Variants in NTRK3 observed in about 807,000 individuals in gnomAD.
NTRK3 encodes the protein NT-3 growth factor receptor.
A neutral mutation model predicts 91.7 loss-of-function variants in NTRK3; 24 were observed. The observed-to-expected ratio is 0.26, with a 90% CI of 0.19 to 0.37. The LOEUF (loss-of-function observed/expected upper bound fraction) is 0.37. Ranked by LOEUF, NTRK3 falls within the 10% of genes least tolerant of loss-of-function variation. NTRK3 has a pLI of 1.00. For synonymous variants in NTRK3, 483 were observed against 404.0 expected (o/e 1.20, Z -2.34); for missense variants, 880 against 1,068.9 (o/e 0.82, Z 2.46).
At chr15:87,874,540 C>T (rs1035569148) in exon 19 of NTRK3, 11 of 233,380 alleles carry the variant, frequency 4.7e-5, no homozygotes, top group African/African-American at 2.2e-4. Flanking sequence ...TCTTCTCCTG[C>T]TTCTTCCCAG....
chr15:88,222,967 G>T (rs1341937376), intron 3 of NTRK3, among the ~76,000 whole-genome samples: 1 of 152,192 alleles, frequency 6.6e-6, no homozygotes, highest in African/African-American at 2.4e-5. Flanking sequence ...CCTCACACTG[G>T]GCTGAGAGCC....
intron 15 of NTRK3, among the ~76,000 whole-genome samples, chr15:87,933,767 T>A (rs1006129377): frequency 6.6e-6 from 1 of 152,162 alleles, no homozygotes; most frequent in Non-Finnish European, 1.5e-5. Context: ...GTTCTCCCAA[T>A]AGGGGTTTGG....
At chr15:88,063,672 G>A (rs915478522) in intron 13 of NTRK3, among the ~76,000 whole-genome samples, 1 of 152,178 alleles carries the variant, frequency 6.6e-6, no homozygotes, top group Non-Finnish European at 1.5e-5. Context: ...CAGGCCTCTA[G>A]CAGGCACATA....
chr15:87,953,754 T>C (rs2071381690), intron 14 of NTRK3, among the ~76,000 whole-genome samples: 1 of 152,166 alleles, frequency 6.6e-6, no homozygotes, highest in South Asian at 2.1e-4. Flanking sequence ...CTCCCCTTTC[T>C]TATCAGCCTG....
At chr15:88,216,489 C>G (rs186041200) in intron 3 of NTRK3, among the ~76,000 whole-genome samples, 77 of 152,314 alleles carry the variant, frequency 5.1e-4, no homozygotes, top group Middle Eastern at 6.8e-3. Context: ...AGCCCAGCCA[C>G]GTGCTGGTCA....
At chr15:87,929,096 G>A (rs1371749492) in intron 17 of NTRK3, 95 bp downstream of exon 17, 33 of 1,588,868 alleles carry the variant, frequency 2.1e-5, no homozygotes, top group Non-Finnish European at 2.8e-5. Flanking sequence ...GTATATGTGT[G>A]TGCCAGAGTG....
At chr15:88,203,840 TA>T in intron 3 of NTRK3, among the ~76,000 whole-genome samples, 1 of 152,138 alleles carries the variant, frequency 6.6e-6, no homozygotes, top group East Asian at 1.9e-4. Context: ...TCAATAAAAA[TA>T]ATTTTTTTAA....
At chr15:88,031,540 C>T (rs1046015004) in intron 14 of NTRK3, among the ~76,000 whole-genome samples, 6 of 152,194 alleles carry the variant, frequency 3.9e-5, no homozygotes, top group African/African-American at 1.4e-4. Context: ...ATCTCTCTTC[C>T]TTGCCCAGCC....
intron 17 of NTRK3, among the ~76,000 whole-genome samples, chr15:87,921,652 A>T (rs1016758968): frequency 3.9e-5 from 6 of 152,140 alleles, no homozygotes; most frequent in Admixed American, 3.9e-4. Context: ...TAATGCAGAG[A>T]GCTCTCCAGT....
chr15:88,017,430 G>C (rs2077311884), intron 14 of NTRK3, among the ~76,000 whole-genome samples: 1 of 152,202 alleles, frequency 6.6e-6, no homozygotes, highest in Admixed American at 6.5e-5. Flanking sequence ...TCCCCAGAGT[G>C]GCAGCTCCAG....
At chr15:88,060,009 T>C (rs932419784) in intron 13 of NTRK3, among the ~76,000 whole-genome samples, 1 of 152,028 alleles carries the variant, frequency 6.6e-6, no homozygotes, top group Non-Finnish European at 1.5e-5. Flanking sequence ...AGAATAGATT[T>C]CTGTTGTTAA....
At chr15:87,867,596 A>C in exon 19 of NTRK3, 1 of 229,208 alleles carries the variant, frequency 4.4e-6, no homozygotes, top group East Asian at 6.2e-5. Context: ...ACTAGTTGTC[A>C]GATGCCCACA....
chr15:88,212,302 G>A lies in NTRK3; in HGVS notation c.249-28003C>T, dbSNP rs1213031195. ...GGAGAATGGAGTGAACCTGGGAGGC[G>A]GAGCTTGCAGTGAGCCGAGATCGCG... On this transcript the variant is annotated intron_variant, in intron 3 of 18. Transcript: ENST00000394480. 2.6e-5 allele frequency among the ~76,000 whole-genome samples: 4 copies of A among 152,146 alleles called. No homozygotes were observed. In the East Asian group the frequency reaches 5.8e-4, roughly 22 times the overall value.
chr15:88,135,309 C>A (rs145632344), exon 10 of NTRK3: 2 of 1,614,188 alleles, frequency 1.2e-6, no homozygotes, highest in South Asian at 2.2e-5. Flanking sequence ...GCCAGTGCAG[C>A]GTTGGTGGGG....
chr15:88,041,177 C>T (rs1257162774), intron 13 of NTRK3, among the ~76,000 whole-genome samples: 2 of 152,184 alleles, frequency 1.3e-5, no homozygotes, highest in Non-Finnish European at 2.9e-5. Context: ...GATGGACTGC[C>T]AAATATTTTC....
chr15:88,180,858 C>A (rs2046395888), intron 5 of NTRK3, among the ~76,000 whole-genome samples: 1 of 152,128 alleles, frequency 6.6e-6, no homozygotes, highest in Non-Finnish European at 1.5e-5. Flanking sequence ...GAGAAAATGT[C>A]CCAAAGCTGC....
At chr15:88,236,743 C>T (rs2141828777) in intron 3 of NTRK3, among the ~76,000 whole-genome samples, 1 of 143,760 alleles carries the variant, frequency 7.0e-6, no homozygotes, top group African/African-American at 2.6e-5. Context: ...CCAAAAACAA[C>T]TTGTACTCCA....
rs1021406623 is a variant in NTRK3 at position 88,255,091 on chromosome 15, C to A, written c.248+815G>T. Among the ~76,000 whole-genome samples the A allele has an allele frequency of 3.3e-5, 5 of 152,158 alleles. No individual in the cohort carries two copies. Among genetic ancestry groups the A allele is most frequent in the African/African-American group, 1.2e-4 (5 of 41,442 alleles). ...CCAGAGTTGAATGTTCCAAATGAAC[C>A]GATCCGCACGATCACACAAGAAACC... On this transcript the variant is annotated intron_variant, in intron 3 of 18. Coordinates refer to ENST00000394480, the Ensembl canonical transcript of NTRK3. The surrounding 1 kb of genome is among the most constrained non-coding windows in gnomAD (Gnocchi z 4.3).
intron 13 of NTRK3, among the ~76,000 whole-genome samples, chr15:88,078,456 C>G (rs1054858626): frequency 7.2e-5 from 11 of 152,220 alleles, no homozygotes; most frequent in African/African-American, 2.7e-4. Flanking sequence ...CAAAGACCAG[C>G]CTGGCCAACA....
Sources: gnomAD v4.1 joint callset for allele counts (sites outside exome capture counted in the v4.1 genomes callset) on GRCh38, gnomAD v4.1.1 for gene constraint, Gnocchi (gnomAD v3.1) non-coding constraint, MANE v1.5 for transcripts, NCBI Gene and HGNC (gene_info 2026-07-23, HGNC 2026-07-21) for gene names.